The following FAM184B variants were observed in gnomAD, a reference collection of about 807,000 sequenced individuals.
FAM184B encodes family with sequence similarity 184 member B, also known as protein FAM184B.
FAM184B carries 111 observed loss-of-function variants against 135.9 expected under a neutral mutation model. The ratio of observed to expected loss-of-function variants is 0.82; its 90% CI spans 0.70 to 0.96. The LOEUF is 0.96. FAM184B is among the 40% of genes least tolerant of loss of function. FAM184B has a pLI of 0.00. For missense variants in FAM184B, 1,375 were observed against 1,323.9 expected (o/e 1.04, Z -0.60); for synonymous variants, 552 against 524.8 (o/e 1.05, Z -0.71).
At chr4:17,763,405 A>AACACAC (rs148239054) in intron 1 of FAM184B, among the ~76,000 whole-genome samples, 10 of 150,768 alleles carry the variant, frequency 6.6e-5, no homozygotes, top group African/African-American at 1.7e-4. Context: ...CACACACACA[A>AACACAC]ACACACACAC....
At chr4:17,672,972 C>T (rs986872153) in intron 7 of FAM184B, among the ~76,000 whole-genome samples, 2 of 151,948 alleles carry the variant, frequency 1.3e-5, no homozygotes, top group African/African-American at 4.8e-5. Flanking sequence ...AAGGAACAGT[C>T]AGCAGAGTAA....
chr4:17,754,047 T>G (rs1282833822), intron 1 of FAM184B, among the ~76,000 whole-genome samples: 1 of 152,120 alleles, frequency 6.6e-6, no homozygotes, highest in Non-Finnish European at 1.5e-5. Context: ...AGTAGAATTC[T>G]TAGAGGTGTT....
chr4:17,651,431 G>A (rs1316143835), intron 11 of FAM184B, among the ~76,000 whole-genome samples: 5 of 150,820 alleles, frequency 3.3e-5, no homozygotes, highest in South Asian at 4.2e-4. Flanking sequence ...CCAGCTACTC[G>A]GGAGGCTGAG....
At chr4:17,765,250 C>T (rs1319244970) in intron 1 of FAM184B, among the ~76,000 whole-genome samples, 1 of 152,138 alleles carries the variant, frequency 6.6e-6, no homozygotes, top group Non-Finnish European at 1.5e-5. Flanking sequence ...TTAATCACTA[C>T]ATATTTCTTT....
At chr4:17,648,727 G>C (rs79204326) in intron 11 of FAM184B, among the ~76,000 whole-genome samples, 1 of 152,006 alleles carries the variant, frequency 6.6e-6, no homozygotes, top group South Asian at 2.1e-4. Flanking sequence ...GATCATGGAG[G>C]TAGGAGATGG....
chr4:17,763,133 C>A (rs1277105042), intron 1 of FAM184B, among the ~76,000 whole-genome samples: 1 of 152,150 alleles, frequency 6.6e-6, no homozygotes, highest in Non-Finnish European at 1.5e-5. Context: ...TCAACCCCAG[C>A]CAGCAAGGTC....
At chr4:17,692,142 G>A (rs912158287) in intron 6 of FAM184B, among the ~76,000 whole-genome samples, 2 of 152,104 alleles carry the variant, frequency 1.3e-5, no homozygotes, top group South Asian at 4.2e-4. Context: ...TGTACAACAT[G>A]AAGACTGGCA....
chr4:17,642,096 G>C lies in FAM184B; in HGVS notation c.2479C>G (p.Gln827Glu), dbSNP rs1164814521. 21 of 1,532,618 alleles carry C rather than the reference G, an allele frequency of 1.4e-5. No individual in the cohort carries two copies. Among genetic ancestry groups the C allele is most frequent in the Non-Finnish European group, 1.7e-5 (20 of 1,145,310 alleles). 94.9% of individuals were successfully genotyped at this position (1,532,618 alleles called of 1,614,324 possible). A position where few individuals can be genotyped will look rare whatever the true frequency, so the allele number is the denominator to read the frequency against. The part of the protein sequence containing the change: ...AVRRLRAEVE[Q>E]HQQEAQKLRD... ...AGCTTCTGCGCCTCCTGCTGATGCT[G>C]CTCCACCTCCGCGCGCAGCCGCCGC... The change falls in exon 13 of 18, where the codon CAG becomes GAG. Residue 827 changes from glutamine to glutamate, a missense_variant. By Grantham distance (29) the Gln-to-Glu change is conservative. Coordinates refer to ENST00000265018, the MANE Select transcript of FAM184B (RefSeq NM_015688.2).
At chr4:17,632,916 CA>C in intron 17 of FAM184B, 1 of 217,696 alleles carries the variant, frequency 4.6e-6, no homozygotes, top group Non-Finnish European at 9.3e-6. Context: ...ACCTACAGAT[CA>C]AGAGACTTTG....
intron 1 of FAM184B, among the ~76,000 whole-genome samples, chr4:17,765,609 A>G (rs1577294844): frequency 6.6e-6 from 1 of 152,330 alleles, no homozygotes; most frequent in African/African-American, 2.4e-5. Context: ...GCCTTCAACC[A>G]ACATGTGGAT....
At chr4:17,744,364 G>A (rs1718110088) in intron 1 of FAM184B, among the ~76,000 whole-genome samples, 1 of 151,858 alleles carries the variant, frequency 6.6e-6, no homozygotes, top group African/African-American at 2.4e-5. Context: ...ACCCATCTGG[G>A]GAAGTGCCTG....
At chr4:17,635,876 G>A (rs904789833) in intron 15 of FAM184B, among the ~76,000 whole-genome samples, 2 of 152,144 alleles carry the variant, frequency 1.3e-5, no homozygotes, top group African/African-American at 4.8e-5. Context: ...GAGTGGCTTT[G>A]CTAAGTAGAA....
At chr4:17,715,624 A>G (rs1291651405) in intron 1 of FAM184B, among the ~76,000 whole-genome samples, 1 of 152,214 alleles carries the variant, frequency 6.6e-6, no homozygotes, top group Non-Finnish European at 1.5e-5. Context: ...GAAAATTGCT[A>G]AGAGAGCAGA....
chr4:17,658,296 G>T, intron 10 of FAM184B, 54 bp downstream of exon 10: 1 of 1,494,584 alleles, frequency 6.7e-7, no homozygotes, highest in Non-Finnish European at 9.1e-7. Context: ...GTGCATGGCA[G>T]TTCTCACCTA....
At chr4:17,753,234 C>T (rs1033298791) in intron 1 of FAM184B, among the ~76,000 whole-genome samples, 1 of 152,114 alleles carries the variant, frequency 6.6e-6, no homozygotes, top group Admixed American at 6.6e-5. Flanking sequence ...CATATTTGTC[C>T]TCTAATTTAT....
At position 17,741,716 on chromosome 4, in the gene FAM184B, C is replaced by T. The variant is rs186862296; in HGVS notation, c.142-32072G>A. 9.3e-4 allele frequency among the ~76,000 whole-genome samples: 142 copies of T among 152,136 alleles called. 1 individual carries two copies. Among genetic ancestry groups the T allele is most frequent in the Non-Finnish European group, 1.6e-3 (108 of 67,990 alleles). ...TCAAAAACAAAACAAAACAAGAAAA[C>T]GTAAAGTCCTAGGCAATATGGACTG... On this transcript the variant is annotated intron_variant, in intron 1 of 17. Coordinates refer to ENST00000265018, the MANE Select transcript of FAM184B (RefSeq NM_015688.2).
At chr4:17,761,611 T>C (rs112468458) in intron 1 of FAM184B, among the ~76,000 whole-genome samples, 7,636 of 152,216 alleles carry the variant, frequency 0.05, 612 homozygotes, top group African/African-American at 0.17. Context: ...ACTGCAACCT[T>C]TGCCTCCCAG....
At chr4:17,693,571 A>C (rs1716786494) in intron 5 of FAM184B, among the ~76,000 whole-genome samples, 159 bp from the exon 6 acceptor site, 1 of 152,210 alleles carries the variant, frequency 6.6e-6, no homozygotes, top group Admixed American at 6.5e-5. Context: ...GTCAAAAGAA[A>C]ACACGTGTTA....
chr4:17,738,247 T>C (rs1314058214), intron 1 of FAM184B, among the ~76,000 whole-genome samples: 2 of 152,040 alleles, frequency 1.3e-5, no homozygotes, highest in African/African-American at 2.4e-5. Context: ...TGGAAGGGTA[T>C]GAATTCAGAG....
Sources: allele counts gnomAD v4.1 joint callset (sites outside exome capture counted in the v4.1 genomes callset), GRCh38; gene constraint gnomAD v4.1.1; transcripts MANE v1.5; gene names NCBI Gene and HGNC (gene_info 2026-07-23, HGNC 2026-07-21).